MGAT4C: variants seen among roughly 807,000 people sequenced by gnomAD.
The protein encoded by MGAT4C is alpha-1,3-mannosyl-glycoprotein 4-beta-N-acetylglucosaminyltransferase C.
MGAT4C carries 19 observed loss-of-function variants against 40.1 expected under a neutral mutation model. The ratio of observed to expected loss-of-function variants is 0.47; its 90% CI spans 0.33 to 0.70. The LOEUF (loss-of-function observed/expected upper bound fraction) is 0.70, where lower values mean the gene tolerates loss of function less well. MGAT4C is among the 30% of genes least tolerant of loss of function. MGAT4C has a pLI of 0.02. For synonymous variants in MGAT4C, 181 were observed against 187.1 expected (o/e 0.97, Z 0.27); for missense variants, 491 against 563.2 (o/e 0.87, Z 1.30).
intron 2 of MGAT4C, among the ~76,000 whole-genome samples, chr12:86,473,252 G>A (rs1484647269): frequency 3.9e-5 from 6 of 151,998 alleles, no homozygotes; most frequent in East Asian, 3.9e-4. Flanking sequence ...CCACTGCACC[G>A]GGCCTGATTT....
At chr12:86,763,947 G>A (rs1375653017) in intron 1 of MGAT4C, among the ~76,000 whole-genome samples, 1 of 152,096 alleles carries the variant, frequency 6.6e-6, no homozygotes, top group Non-Finnish European at 1.5e-5. Context: ...GCAGAAGACG[G>A]GTGATTTCTG....
intron 4 of MGAT4C, among the ~76,000 whole-genome samples, chr12:86,267,541 GATTT>G (rs1338180366): frequency 6.6e-6 from 1 of 152,078 alleles, no homozygotes; most frequent in Non-Finnish European, 1.5e-5. Context: ...TAAAATTTTA[GATTT>G]ATTAAATCTG....
rs76478762 is a variant in MGAT4C at position 86,582,387 on chromosome 12, G to A, written c.-229+144822C>T. Reference sequence around the variant, plus strand: ...CTGAGTCAATGAGAACTTACATGGAGTATGTTTAGACCTCACAGTCAGAAG... The same window carrying A: ...CTGAGTCAATGAGAACTTACATGGAATATGTTTAGACCTCACAGTCAGAAG... On this transcript the variant is annotated intron_variant, in intron 2 of 7. Transcript: ENST00000548651. Among the ~76,000 whole-genome samples the A allele has an allele frequency of 6.6e-5, 10 of 151,342 alleles. No individual in the cohort carries two copies. In the East Asian group the frequency reaches 1.6e-3, roughly 24 times the overall value.
At chr12:86,585,583 A>T (rs1960984722) in intron 2 of MGAT4C, among the ~76,000 whole-genome samples, 1 of 151,464 alleles carries the variant, frequency 6.6e-6, no homozygotes, top group South Asian at 2.1e-4. Flanking sequence ...TTAATGAACC[A>T]TGTGATGACT....
chr12:86,089,679 A>G (rs575258373), intron 1 of MGAT4C, among the ~76,000 whole-genome samples: 1 of 151,862 alleles, frequency 6.6e-6, no homozygotes, highest in Admixed American at 6.6e-5. Flanking sequence ...TTGTCCTTAA[A>G]TGACATTATA....
intron 2 of MGAT4C, among the ~76,000 whole-genome samples, chr12:86,519,634 T>C (rs375060250): frequency 7.2e-5 from 11 of 152,194 alleles, no homozygotes; most frequent in African/African-American, 2.7e-4. Context: ...TTGGTTTTGA[T>C]TTGTGATTCT....
At chr12:86,430,789 A>G (rs1957021895) in intron 3 of MGAT4C, among the ~76,000 whole-genome samples, 1 of 152,154 alleles carries the variant, frequency 6.6e-6, no homozygotes, top group African/African-American at 2.4e-5. Flanking sequence ...CTCCCTGTCA[A>G]TATGGAGCCA....
chr12:86,382,269 A>G (rs1955948771), intron 3 of MGAT4C, among the ~76,000 whole-genome samples: 2 of 152,194 alleles, frequency 1.3e-5, no homozygotes, highest in Admixed American at 1.3e-4. Context: ...TTCCTGTTAT[A>G]TTTTAGCAAA....
chr12:86,723,999 G>T (rs1276753296), intron 2 of MGAT4C, among the ~76,000 whole-genome samples: 2 of 151,902 alleles, frequency 1.3e-5, no homozygotes, highest in Non-Finnish European at 2.9e-5. Flanking sequence ...GGAAAGCAAA[G>T]TTTTTCCTTA....
chr12:86,455,465 C>T (rs1188291436), intron 2 of MGAT4C, among the ~76,000 whole-genome samples: 2 of 151,998 alleles, frequency 1.3e-5, no homozygotes, highest in African/African-American at 2.4e-5. Flanking sequence ...AAAAGTGGTG[C>T]TTTTTAAACT....
chr12:86,552,027 A>C (rs1000482351), intron 2 of MGAT4C, among the ~76,000 whole-genome samples: 3 of 106,794 alleles, frequency 2.8e-5, no homozygotes, highest in African/African-American at 9.8e-5. Context: ...TAAAAAAAGC[A>C]AAAAAAAAAA....
At chr12:86,180,301 G>A (rs1042190674) in intron 1 of MGAT4C, among the ~76,000 whole-genome samples, 2 of 152,228 alleles carry the variant, frequency 1.3e-5, no homozygotes, top group African/African-American at 4.8e-5. Context: ...GCAGTGGTGG[G>A]GCCCTCATGG....
intron 4 of MGAT4C, among the ~76,000 whole-genome samples, chr12:86,328,286 A>G (rs1261409661): frequency 6.6e-6 from 1 of 152,190 alleles, no homozygotes; most frequent in African/African-American, 2.4e-5. Flanking sequence ...AAGCAAATCA[A>G]TTATTACCAC....
chr12:86,451,583 T>G (rs1398138597), intron 2 of MGAT4C, among the ~76,000 whole-genome samples: 1 of 152,142 alleles, frequency 6.6e-6, no homozygotes, highest in Non-Finnish European at 1.5e-5. Context: ...TTTGGTACTA[T>G]GTCTTTTGTC....
At chr12:86,721,843 T>A (rs547584394) in intron 2 of MGAT4C, among the ~76,000 whole-genome samples, 3 of 152,182 alleles carry the variant, frequency 2.0e-5, no homozygotes, top group Non-Finnish European at 4.4e-5. Context: ...CACGCCATGC[T>A]TCAATGAAAT....
chr12:86,004,552 A>T (rs992549022), intron 2 of MGAT4C, among the ~76,000 whole-genome samples: 1 of 152,162 alleles, frequency 6.6e-6, no homozygotes, highest in African/African-American at 2.4e-5. Flanking sequence ...TAATTTAGAG[A>T]CCATAGTACT....
chr12:86,712,546 A>C (rs527877246), intron 2 of MGAT4C, among the ~76,000 whole-genome samples: 1 of 152,170 alleles, frequency 6.6e-6, no homozygotes, highest in Non-Finnish European at 1.5e-5. Context: ...GATCCACTTG[A>C]CAAAGCATTT....
chr12:86,276,075 G>A (rs1353667588), intron 4 of MGAT4C, among the ~76,000 whole-genome samples: 3 of 149,474 alleles, frequency 2.0e-5, no homozygotes, highest in African/African-American at 4.9e-5. Flanking sequence ...CCGAGATTGC[G>A]CCGCTGCACT....
chr12:86,453,111 C>T lies in MGAT4C; in HGVS notation c.-228-17846G>A, dbSNP rs112148757. Among the ~76,000 whole-genome samples the T allele has an allele frequency of 6.7e-3, 1,017 of 152,118 alleles. 11 individuals carry two copies. The highest frequency in any genetic ancestry group is 0.023 in the African/African-American group (970 of 41,494). Reference sequence around the variant, plus strand: ...TATTTAAACTCTCCTGGTTTTTCTTCCTTTAAATGAGAATGAATATGCCAC... The same window carrying T: ...TATTTAAACTCTCCTGGTTTTTCTTTCTTTAAATGAGAATGAATATGCCAC... On this transcript the variant is annotated intron_variant, in intron 2 of 7. Coordinates refer to the MGAT4C transcript ENST00000548651.
Sources: gnomAD v4.1 joint callset for allele counts (sites outside exome capture counted in the v4.1 genomes callset) on GRCh38, gnomAD v4.1.1 for gene constraint, MANE v1.5 for transcripts, NCBI Gene and HGNC (gene_info 2026-07-23, HGNC 2026-07-21) for gene names.